Variants in STAG1 observed in about 807,000 individuals in gnomAD.
STAG1 encodes the protein STAG1 cohesin complex component.
STAG1 carries 26 observed loss-of-function variants against 170.9 expected under a neutral mutation model. The ratio of observed to expected loss-of-function variants is 0.15; its 90% CI spans 0.11 to 0.21. The LOEUF (loss-of-function observed/expected upper bound fraction) is 0.21, where lower values mean the gene tolerates loss of function less well. Among genes scored for constraint, STAG1 ranks in the 10% least tolerant of loss-of-function variants. STAG1 has a pLI of 1.00. For missense variants in STAG1, 964 were observed against 1,509.5 expected, an observed-to-expected ratio of 0.64 and a Z score of 5.99; for synonymous variants, 514 against 497.7, an observed-to-expected ratio of 1.03 and a Z score of -0.44.
chr3:136,729,877 C>CTT lies in STAG1; in HGVS notation c.-84+22316_-84+22317dup, dbSNP rs36212432. ...TACAGGCATGAGCCACCACGCCAGG[C>CTT]TTTTTTTTTTTTTTTTTTTTTTTTT... On this transcript the variant is annotated intron_variant, in intron 1 of 33. Coordinates refer to ENST00000383202, the MANE Select transcript of STAG1 (RefSeq NM_005862.3). Among the ~76,000 whole-genome samples, 147 of 58,554 alleles carry CTT rather than the reference C, an allele frequency of 2.5e-3. 24 individuals carry two copies. The highest frequency in any genetic ancestry group is 3.6e-3 in the Non-Finnish European group (121 of 33,524). The allele number at this position is 58,554 out of a possible 152,430, so 38.4% of individuals were successfully genotyped here.
intron 1 of STAG1, among the ~76,000 whole-genome samples, chr3:136,695,105 C>A (rs1349468453): frequency 6.6e-6 from 1 of 152,016 alleles, no homozygotes. Flanking sequence ...TTGGCCTTGG[C>A]CTTCTAATTT....
At chr3:136,635,769 AG>A (rs1940526322) in intron 1 of STAG1, among the ~76,000 whole-genome samples, 2 of 152,374 alleles carry the variant, frequency 1.3e-5, no homozygotes, top group South Asian at 4.1e-4. Flanking sequence ...AAGCTATTAT[AG>A]CAAGGTTTCA....
intron 4 of STAG1, among the ~76,000 whole-genome samples, chr3:136,577,424 C>T (rs1375318254): frequency 6.6e-6 from 1 of 152,148 alleles, no homozygotes; most frequent in African/African-American, 2.4e-5. Flanking sequence ...GAATGGGATC[C>T]AAAAACTTGG....
chr3:136,392,575 G>C (rs903853525), intron 22 of STAG1, among the ~76,000 whole-genome samples: 48 of 152,004 alleles, frequency 3.2e-4, no homozygotes, highest in African/African-American at 1.1e-3. Context: ...GACCATCCTG[G>C]CTAACACGGT....
At chr3:136,728,001 T>G (rs1387392675) in intron 1 of STAG1, among the ~76,000 whole-genome samples, 2 of 151,742 alleles carry the variant, frequency 1.3e-5, no homozygotes, top group Admixed American at 6.6e-5. Context: ...CTACTAAAAA[T>G]ACAAAAAATT....
chr3:136,702,075 A>AAG (rs745623191), intron 1 of STAG1, among the ~76,000 whole-genome samples: 1,186 of 92,166 alleles, frequency 0.013, 31 homozygotes, highest in East Asian at 0.031. Flanking sequence ...ACCATGCCGA[A>AAG]AGAGAGAGAG....
chr3:136,513,645 TA>T lies in STAG1; in HGVS notation c.676+7567del, dbSNP rs953356650. ...ACTTTGGAAACGAGAAACAAAATCT[TA>T]AAAAAAAATTTTCAATTATGAAATT... On this transcript the variant is annotated intron_variant, in intron 7 of 33. Coordinates refer to ENST00000383202, the MANE Select transcript of STAG1 (RefSeq NM_005862.3). 4.0e-5 allele frequency among the ~76,000 whole-genome samples: 6 copies of T among 151,440 alleles called. No homozygotes were observed. In the East Asian group the frequency reaches 7.7e-4, roughly 19 times the overall value.
Position 136,472,403 on chromosome 3 carries a change from T to G in STAG1, c.1205+10A>C. On this transcript the variant is annotated intron_variant, in intron 12 of 33. Transcript: ENST00000383202. The stretch of plus-strand genomic sequence containing the variant: ...TCAATAAAGTTAAAATAGTAATGGA[T>G]ATTACTTACTGAAGTATCAGAGTAA... The G allele has an allele frequency of 6.3e-7, 1 of 1,578,010 alleles. No homozygotes were observed. Among genetic ancestry groups the G allele is most frequent in the Non-Finnish European group, 8.7e-7 (1 of 1,149,108 alleles).
At chr3:136,638,412 G>T (rs552184153) in intron 1 of STAG1, among the ~76,000 whole-genome samples, 1 of 152,208 alleles carries the variant, frequency 6.6e-6, no homozygotes, top group African/African-American at 2.4e-5. Flanking sequence ...TGGGATTACA[G>T]GCATGAGCCA....
rs377501732 is a variant in STAG1 at position 136,468,757 on chromosome 3, A to T, written c.1205+3656T>A. 5.7e-4 allele frequency among the ~76,000 whole-genome samples: 87 copies of T among 152,356 alleles called. No individual in the cohort carries two copies. The East Asian group carries it at 0.015, about 27-fold the overall frequency. ...CCTCAATAAAATACTGGCAAACCGA[A>T]TCCAGCAGCACATCAAAAAGCTTAG... On this transcript the variant is annotated intron_variant, in intron 12 of 33. Transcript: ENST00000383202.
intron 6 of STAG1, among the ~76,000 whole-genome samples, chr3:136,525,339 C>G (rs942977622): frequency 2.6e-5 from 4 of 152,026 alleles, no homozygotes; most frequent in Admixed American, 2.6e-4. Context: ...TGTATGTGTC[C>G]AGGAATTTAT....
chr3:136,579,931 T>C (rs1937554495), intron 4 of STAG1, among the ~76,000 whole-genome samples: 1 of 151,156 alleles, frequency 6.6e-6, no homozygotes, highest in Admixed American at 6.6e-5. Context: ...AACAGGGGAT[T>C]GCTATTTTGG....
chr3:136,707,437 T>G (rs970797111), intron 1 of STAG1, among the ~76,000 whole-genome samples: 1 of 152,064 alleles, frequency 6.6e-6, no homozygotes, highest in African/African-American at 2.4e-5. Context: ...CATGAAAAAA[T>G]GTTCAACTTC....
At chr3:136,477,214 T>G in intron 10 of STAG1, 75 bp downstream of exon 10, 1 of 1,466,372 alleles carries the variant, frequency 6.8e-7, no homozygotes, top group Non-Finnish European at 9.1e-7. Flanking sequence ...AATCAACTAC[T>G]GTCATTTTGA....
chr3:136,493,685 A>T (rs2090163247), intron 9 of STAG1, among the ~76,000 whole-genome samples: 1 of 151,666 alleles, frequency 6.6e-6, no homozygotes, highest in Non-Finnish European at 1.5e-5. Flanking sequence ...CAACACAAAT[A>T]ATAAATATGG....
intron 4 of STAG1, among the ~76,000 whole-genome samples, chr3:136,583,546 T>C (rs1241985029): frequency 6.6e-6 from 1 of 152,136 alleles, no homozygotes; most frequent in African/African-American, 2.4e-5. Context: ...CCTAGCACTC[T>C]GGGAGGCCAA....
chr3:136,504,174 T>C (rs1164215779), intron 7 of STAG1, among the ~76,000 whole-genome samples: 1 of 152,210 alleles, frequency 6.6e-6, no homozygotes, highest in Admixed American at 6.5e-5. Context: ...TGATCAGTTC[T>C]ATGTTATTAA....
chr3:136,453,780 T>C (rs1405083091), intron 13 of STAG1, among the ~76,000 whole-genome samples: 1 of 148,650 alleles, frequency 6.7e-6, no homozygotes, highest in Non-Finnish European at 1.5e-5. Context: ...TATATGTATA[T>C]AGCATGTACT....
At chr3:136,627,703 T>C (rs542361004) in intron 2 of STAG1, among the ~76,000 whole-genome samples, 2 of 152,326 alleles carry the variant, frequency 1.3e-5, no homozygotes, top group South Asian at 2.1e-4. Flanking sequence ...CTTTGACCAA[T>C]TGCTCTTCAA....
Sources: gnomAD v4.1 joint callset for allele counts (sites outside exome capture counted in the v4.1 genomes callset) on GRCh38, gnomAD v4.1.1 for gene constraint, MANE v1.5 for transcripts, NCBI Gene and HGNC (gene_info 2026-07-23, HGNC 2026-07-21) for gene names.